The following COL12A1 variants were observed in gnomAD, a reference collection of about 807,000 sequenced individuals.
The protein encoded by COL12A1 is collagen alpha-1(XII) chain.
COL12A1 carries 114 observed loss-of-function variants against 349.7 expected under a neutral mutation model. That is an observed-to-expected ratio of 0.33 (90% CI 0.28 to 0.38). The LOEUF (loss-of-function observed/expected upper bound fraction) is 0.38. COL12A1 is among the 10% of genes least tolerant of loss of function. COL12A1 has a pLI of 1.00. For missense variants in COL12A1, 3,284 were observed against 3,756.9 expected (o/e 0.87, Z 3.29); for synonymous variants, 1,369 against 1,329.0 (o/e 1.03, Z -0.66).
intron 14 of COL12A1, among the ~76,000 whole-genome samples, chr6:75,160,327 CA>C (rs1767973675): frequency 6.6e-6 from 1 of 152,152 alleles, no homozygotes; most frequent in African/African-American, 2.4e-5. Context: ...GTATTCGTTT[CA>C]TTGTATCAAC....
intron 60 of COL12A1, among the ~76,000 whole-genome samples, chr6:75,092,332 C>T (rs963734421): frequency 6.6e-6 from 1 of 152,024 alleles, no homozygotes; most frequent in Non-Finnish European, 1.5e-5. Context: ...TACCCCAGAA[C>T]TTAAAGTATA....
intron 51 of COL12A1, among the ~76,000 whole-genome samples, chr6:75,111,029 C>A (rs1472849383): frequency 6.6e-6 from 1 of 151,858 alleles, no homozygotes; most frequent in Non-Finnish European, 1.5e-5. Flanking sequence ...CACATACACA[C>A]AATGGTAACT....
In COL12A1 at chr6:75,124,084, T is replaced by C; in HGVS notation, c.6735A>G (p.Gly2245=). 6.2e-7 allele frequency: 1 copy of C among 1,612,892 alleles called. No individual in the cohort carries two copies. The highest frequency in any genetic ancestry group is 8.5e-7 in the Non-Finnish European group (1 of 1,179,168). Reference sequence around the variant, plus strand: ...CTGATCCACGCACTGTAATTTCTTGTCCCCTTGTTCCTGATTATGACAACA... The same window carrying C: ...CTGATCCACGCACTGTAATTTCTTGCCCCCTTGTTCCTGATTATGACAACA... The part of the protein sequence containing the change: ...LKLSPADGTR[G]QEITVRGSET... The change falls in exon 42 of 66, where the codon GGA becomes GGG. Residue 2245 remains glycine, a synonymous_variant. Transcript: ENST00000322507.
chr6:75,200,981 A>G (rs952915014), intron 2 of COL12A1, among the ~76,000 whole-genome samples: 1 of 152,082 alleles, frequency 6.6e-6, no homozygotes, highest in African/African-American at 2.4e-5. Flanking sequence ...GGAAATAAAT[A>G]CAAATTTAAA....
rs377285294 is a variant in COL12A1, at chr6:75,183,926, C to T, written c.1216G>A (p.Ala406Thr). ...ADTEYQISVS[A>T]MKGMTSSEPI... is the part of the protein sequence containing the mutation. ...TCACTGGATGTCATTCCCTTCATGG[C>T]GGAAACACTGATCTGGTATTCTGTG... is the stretch of plus-strand genomic sequence containing the variant. The change falls in exon 9 of 66, where the codon GCC becomes ACC. Residue 406 changes from alanine (A) to threonine (T), a missense_variant. Around this residue, in one of 2 missense-constraint regions of COL12A1, gnomAD observed 2,601 missense variants for 2,824.8 expected, o/e 0.92. Coordinates refer to ENST00000322507, the MANE Select transcript of COL12A1 (RefSeq NM_004370.6). The T allele has an allele frequency of 4.3e-6, 7 of 1,614,030 alleles. No individual in the cohort carries two copies. Among genetic ancestry groups the T allele is most frequent in the Middle Eastern group, 1.6e-4 (1 of 6,084 alleles).
chr6:75,124,934 A>G (rs1765938817), intron 40 of COL12A1, among the ~76,000 whole-genome samples, 193 bp downstream of exon 40: 1 of 152,168 alleles, frequency 6.6e-6, no homozygotes, highest in South Asian at 2.1e-4. Context: ...ATTTCTCACC[A>G]TATATATTTT....
chr6:75,188,562 T>C, intron 7 of COL12A1, 27 bp from the exon 8 acceptor site: 1 of 1,603,856 alleles, frequency 6.2e-7, no homozygotes. Flanking sequence ...TAAGGACATA[T>C]TGAAATGGGA....
rs1172593477 is a variant in COL12A1 at position 75,143,290 on chromosome 6, T to C, written c.4789A>G (p.Ile1597Val). Residue 1597 changes from isoleucine to valine, a missense_variant, in exon 26 of 66, where the codon ATT becomes GTT. Physicochemically the swap from Ile to Val is conservative, Grantham distance 29. This residue lies in a region of COL12A1 where 2,601 missense variants were observed against 2,824.8 expected (regional missense o/e 0.92). Transcript: ENST00000322507. ...TCTTCTGGTGTTTTGTATCGAACAA[T>C]ATATTTACGCACTTTTCCAGGCACA... ...EPVPGKVRKYIVRYKTPEEDV... is the reference protein window; with the variant it reads ...EPVPGKVRKYVVRYKTPEEDV... 4 of 1,613,834 alleles carry C rather than the reference T, an allele frequency of 2.5e-6. No homozygotes were observed. Among genetic ancestry groups the C allele is most frequent in the Non-Finnish European group, 2.5e-6 (3 of 1,179,932 alleles).
intron 46 of COL12A1, 131 bp from the exon 47 acceptor site, chr6:75,117,677 A>C: frequency 2.4e-6 from 2 of 823,578 alleles, no homozygotes; most frequent in Admixed American, 3.0e-5. Flanking sequence ...CTTTTACTTG[A>C]CGTGAACTCT....
chr6:75,189,460 A>G, intron 6 of COL12A1, 79 bp from the exon 7 acceptor site: 1 of 1,572,062 alleles, frequency 6.4e-7, no homozygotes, highest in Non-Finnish European at 8.6e-7. Context: ...AACAATGTCA[A>G]AAATATTTAA....
chr6:75,092,782 C>A (rs1483909227), intron 60 of COL12A1, among the ~76,000 whole-genome samples: 1 of 151,080 alleles, frequency 6.6e-6, no homozygotes, highest in Non-Finnish European at 1.5e-5. Flanking sequence ...GCCACCCATC[C>A]CATTCCCATC....
At chr6:75,103,276 A>G (rs1471983450) in intron 55 of COL12A1, among the ~76,000 whole-genome samples, 1 of 152,190 alleles carries the variant, frequency 6.6e-6, no homozygotes, top group African/African-American at 2.4e-5. Context: ...TTATCTTCAT[A>G]AAATATTCCC....
At chr6:75,170,327 A>G (rs1196873503) in intron 13 of COL12A1, among the ~76,000 whole-genome samples, 2 of 152,320 alleles carry the variant, frequency 1.3e-5, no homozygotes, top group South Asian at 2.1e-4. Flanking sequence ...TTCTAAATCA[A>G]TTTGTCTTTT....
chr6:75,129,127 A>G (rs1336702370), intron 37 of COL12A1, among the ~76,000 whole-genome samples: 1 of 152,238 alleles, frequency 6.6e-6, no homozygotes, highest in Non-Finnish European at 1.5e-5. Flanking sequence ...GGGAAATTGC[A>G]TATTTGTCCA....
At chr6:75,175,872 C>T (rs1768910734) in intron 12 of COL12A1, among the ~76,000 whole-genome samples, 1 of 152,202 alleles carries the variant, frequency 6.6e-6, no homozygotes, top group Non-Finnish European at 1.5e-5. Context: ...ACCACCCATC[C>T]TTTTGTAGCT....
intron 56 of COL12A1, among the ~76,000 whole-genome samples, 198 bp from the exon 57 acceptor site, chr6:75,102,250 T>C (rs1364732834): frequency 2.0e-5 from 3 of 152,220 alleles, no homozygotes; most frequent in African/African-American, 7.2e-5. Context: ...CTACAAATGC[T>C]GTGTTATAAT....
rs889393418 is a variant in COL12A1 at position 75,147,779 on chromosome 6, C to T, written c.4313G>A (p.Ser1438Asn). The T allele has an allele frequency of 1.2e-6, 2 of 1,613,164 alleles. No individual in the cohort carries two copies. The highest frequency in any genetic ancestry group is 1.1e-5 in the South Asian group (1 of 90,960). ...AGGTTTCAGATCTTTCAGCACTGTG[C>T]TAGTTTCCATTCGACTCACATAAAA... is the stretch of plus-strand genomic sequence containing the variant. Reference protein sequence around the residue: ...QEFYVSRMETSTVLKDLKPET... With the variant: ...QEFYVSRMETNTVLKDLKPET... The change falls in exon 23 of 66, where the codon AGC (serine) becomes AAC (asparagine). Residue 1438 changes from serine to asparagine, a missense_variant. By Grantham distance (46) the Ser-to-Asn change is conservative. Coordinates refer to ENST00000322507, the MANE Select transcript of COL12A1 (RefSeq NM_004370.6).
Position 75,191,751 on chromosome 6 carries a change from C to T in COL12A1, c.344G>A (p.Gly115Asp), listed in dbSNP as rs749832842. 1.1e-5 allele frequency: 18 copies of T among 1,592,382 alleles called. No individual in the cohort carries two copies. Among genetic ancestry groups the T allele is most frequent in the Admixed American group, 1.7e-5 (1 of 57,456 alleles). ...PVIGQLTIQT[G>D]SSTKPVEKKP... is the part of the protein sequence containing the mutation. ...CTTCTCCACTGGCTTTGTCGAACTA[C>T]CTGTTTGAACTAAGTTAAAACTTTA... The change falls in exon 5 of 66, where the codon GGT (glycine) becomes GAT (aspartate). Residue 115 changes from glycine to aspartate, a missense_variant. Transcript: ENST00000322507.
chr6:75,112,939 A>G (rs948619285), intron 51 of COL12A1: 5 of 185,662 alleles, frequency 2.7e-5, no homozygotes, highest in African/African-American at 1.2e-4. Flanking sequence ...GCAGAAAAGT[A>G]GGTGGATAAT....
Sources: gnomAD v4.1 joint callset for allele counts (sites outside exome capture counted in the v4.1 genomes callset) on GRCh38, gnomAD v4.1.1 for gene constraint, gnomAD v4.1.1 regional missense constraint, MANE v1.5 for transcripts, NCBI Gene and HGNC (gene_info 2026-07-23, HGNC 2026-07-21) for gene names.